The following NAV3 variants were observed in gnomAD, a reference collection of about 807,000 sequenced individuals.
NAV3 encodes neuron navigator 3.
A neutral mutation model predicts 244.7 loss-of-function variants in NAV3; 87 were observed. The observed-to-expected ratio is 0.36, with a 90% CI of 0.30 to 0.42. NAV3 has a LOEUF of 0.42. NAV3 is among the 20% of genes least tolerant of loss of function. The pLI, the probability that NAV3 is intolerant of heterozygous loss-of-function variation, is 1.00. For missense variants in NAV3, 2,663 were observed against 2,893.3 expected (o/e 0.92, Z 1.83); for synonymous variants, 1,126 against 1,042.2 (o/e 1.08, Z -1.55).
At chr12:77,646,292 T>A (rs115913836) in intron 2 of NAV3, among the ~76,000 whole-genome samples, 4 of 152,146 alleles carry the variant, frequency 2.6e-5, no homozygotes, top group African/African-American at 9.7e-5. Context: ...TAAAGCACGC[T>A]ATATAATTTT....
At chr12:77,942,324 A>G (rs1018426571) in intron 3 of NAV3, among the ~76,000 whole-genome samples, 15 of 152,140 alleles carry the variant, frequency 9.9e-5, no homozygotes, top group African/African-American at 3.1e-4. Flanking sequence ...GTGAGCGAGG[A>G]TTGTGCCATT....
chr12:77,838,017 G>A (rs117153253), intron 1 of NAV3, among the ~76,000 whole-genome samples: 1,741 of 152,316 alleles, frequency 0.011, 23 homozygotes, highest in Non-Finnish European at 0.02. Flanking sequence ...TGCTCACATG[G>A]TAGCATTTCC....
intron 9 of NAV3, among the ~76,000 whole-genome samples, chr12:78,027,457 TG>T (rs1878258408): frequency 1.1e-5 from 1 of 89,338 alleles, no homozygotes; most frequent in African/African-American, 4.3e-5. Flanking sequence ...AAAAAAAGGG[TG>T]GGGGGCCGGG....
intron 2 of NAV3, among the ~76,000 whole-genome samples, chr12:77,604,831 C>G (rs1365489772): frequency 6.6e-6 from 1 of 152,076 alleles, no homozygotes; most frequent in Non-Finnish European, 1.5e-5. Context: ...AAGATTTAAT[C>G]ACTGTCTGCA....
chr12:77,673,987 T>C (rs1459846061), intron 2 of NAV3, among the ~76,000 whole-genome samples: 1 of 152,178 alleles, frequency 6.6e-6, no homozygotes, highest in Admixed American at 6.5e-5. Flanking sequence ...GAATTCTCAT[T>C]ACCTAATTTT....
chr12:78,035,341 T>C (rs973631585), intron 9 of NAV3, among the ~76,000 whole-genome samples: 7 of 152,166 alleles, frequency 4.6e-5, no homozygotes, highest in Admixed American at 3.9e-4. Flanking sequence ...CAGAAAATCT[T>C]CAGAAGTTAA....
At chr12:77,684,218 A>G (rs1874608637) in intron 2 of NAV3, among the ~76,000 whole-genome samples, 1 of 152,160 alleles carries the variant, frequency 6.6e-6, no homozygotes, top group Non-Finnish European at 1.5e-5. Flanking sequence ...GTTTATTGGC[A>G]TTCACATATA....
intron 17 of NAV3, among the ~76,000 whole-genome samples, chr12:78,128,500 T>C (rs1282958907): frequency 6.6e-6 from 1 of 152,170 alleles, no homozygotes; most frequent in Admixed American, 6.5e-5. Flanking sequence ...AATTTTCTCC[T>C]CAAAACCCTT....
intron 24 of NAV3, among the ~76,000 whole-genome samples, chr12:78,171,146 G>T (rs1257470931): frequency 1.3e-5 from 2 of 151,752 alleles, no homozygotes; most frequent in Non-Finnish European, 3.0e-5. Flanking sequence ...AAGTAGTTCT[G>T]TAGGGGCTAC....
intron 5 of NAV3, among the ~76,000 whole-genome samples, chr12:77,976,679 T>TC (rs1433047765): frequency 3.8e-5 from 5 of 131,310 alleles, no homozygotes; most frequent in Non-Finnish European, 8.1e-5. Context: ...TTTTTCTTTT[T>TC]TTTTTTTTTT....
intron 9 of NAV3, among the ~76,000 whole-genome samples, chr12:78,046,461 T>G (rs1038343296): frequency 6.6e-5 from 10 of 152,240 alleles, no homozygotes; most frequent in African/African-American, 2.4e-4. Context: ...AAATAACTTA[T>G]TGATTTCTGC....
At chr12:78,095,571 G>A (rs1303975498) in intron 12 of NAV3, among the ~76,000 whole-genome samples, 3 of 152,158 alleles carry the variant, frequency 2.0e-5, no homozygotes, top group African/African-American at 7.2e-5. Context: ...CTTTGAGGGT[G>A]CATTGCAAAT....
intron 1 of NAV3, among the ~76,000 whole-genome samples, chr12:77,861,523 T>C (rs1879254983): frequency 6.6e-6 from 1 of 151,868 alleles, no homozygotes; most frequent in Non-Finnish European, 1.5e-5. Context: ...CATGTTGTAT[T>C]GTGAAAAAAT....
At chr12:78,044,631 T>C (rs188640496) in intron 9 of NAV3, among the ~76,000 whole-genome samples, 3 of 152,332 alleles carry the variant, frequency 2.0e-5, no homozygotes, top group African/African-American at 7.2e-5. Context: ...TAGTTCTTTT[T>C]GAAGAGGTCC....
In NAV3 at chr12:78,118,008, G is replaced by A. The variant is rs769841655; in HGVS notation, c.2770-19G>A. ...AAATTTTTCTACATAAAGTTTTTCT[G>A]TAATATTTGTCTTTATAGCTGAGGA... is the stretch of plus-strand genomic sequence containing the variant. On this transcript the variant is annotated intron_variant, in intron 13 of 39. Coordinates refer to ENST00000397909, the MANE Select transcript of NAV3 (RefSeq NM_001024383.2). 1.3e-6 allele frequency: 2 copies of A among 1,534,328 alleles called. No individual in the cohort carries two copies.
intron 20 of NAV3, among the ~76,000 whole-genome samples, chr12:78,145,599 G>T (rs994744365): frequency 6.6e-6 from 1 of 152,190 alleles, no homozygotes; most frequent in African/African-American, 2.4e-5. Context: ...TCATTTTCTG[G>T]CATTTTGCAG....
intron 12 of NAV3, among the ~76,000 whole-genome samples, chr12:78,071,578 C>T (rs955612499): frequency 2.7e-4 from 41 of 152,168 alleles, no homozygotes; most frequent in Admixed American, 4.6e-4. Context: ...ATTTGTCAAT[C>T]TCGTCTTTTG....
In NAV3 at chr12:77,883,223, A is replaced by C. The variant is rs527493356; in HGVS notation, c.243+51519A>C. ...ATGTCCATAAACAGTGGATTGGTTA[A>C]AGAAAGTACAAATATACACTGTGGA... On this transcript the variant is annotated intron_variant, in intron 1 of 39. Coordinates refer to ENST00000397909, the MANE Select transcript of NAV3 (RefSeq NM_001024383.2). Among the ~76,000 whole-genome samples, 5 of 152,290 alleles carry C rather than the reference A, an allele frequency of 3.3e-5. No homozygotes were observed. In the South Asian group the frequency reaches 8.3e-4, roughly 25 times the overall value.
chr12:78,066,511 A>T (rs1003077686), intron 12 of NAV3, among the ~76,000 whole-genome samples: 1 of 152,134 alleles, frequency 6.6e-6, no homozygotes, highest in African/African-American at 2.4e-5. Context: ...TCCAGATACC[A>T]TATATTATAT....
Sources: allele counts gnomAD v4.1 joint callset (sites outside exome capture counted in the v4.1 genomes callset), GRCh38; gene constraint gnomAD v4.1.1; transcripts MANE v1.5; gene names NCBI Gene and HGNC (gene_info 2026-07-23, HGNC 2026-07-21).